NWD2: variants seen among roughly 807,000 people sequenced by gnomAD.
NWD2 encodes the protein NACHT and WD repeat domain containing 2, also known as NACHT and WD repeat domain-containing protein 2.
Under a neutral mutation model 132.7 loss-of-function variants are expected in NWD2, and 37 were observed. The ratio of observed to expected loss-of-function variants is 0.28; its 90% CI spans 0.21 to 0.37. The LOEUF is 0.37. Among genes scored for constraint, NWD2 ranks in the 10% least tolerant of loss-of-function variants. The probability of loss-of-function intolerance (pLI) is 1.00; values close to 1 mark genes in which losing one functional copy is unlikely to be tolerated. For missense variants in NWD2, 1,592 were observed against 2,122.4 expected, an observed-to-expected ratio of 0.75 and a Z score of 4.91; for synonymous variants, 705 against 803.0, an observed-to-expected ratio of 0.88 and a Z score of 2.06.
At chr4:37,353,202 T>C (rs1257738617) in intron 2 of NWD2, among the ~76,000 whole-genome samples, 2 of 152,214 alleles carry the variant, frequency 1.3e-5, no homozygotes, top group African/African-American at 2.4e-5. Context: ...TGGCTTGTAG[T>C]GTTTCTACAG....
intron 3 of NWD2, among the ~76,000 whole-genome samples, chr4:37,389,564 C>A (rs1720639557): frequency 6.6e-6 from 1 of 152,074 alleles, no homozygotes; most frequent in East Asian, 1.9e-4. Context: ...TCATGTTAGT[C>A]GTTCTGGCGC....
intron 3 of NWD2, among the ~76,000 whole-genome samples, chr4:37,402,341 C>A (rs984929317): frequency 6.6e-6 from 1 of 152,222 alleles, no homozygotes; most frequent in African/African-American, 2.4e-5. Context: ...GCACTGCCTT[C>A]CATTGTAGTT....
In NWD2 at chr4:37,443,621, A is replaced by G. The variant is rs1712545275; in HGVS notation, c.1633A>G (p.Thr545Ala). 2.6e-6 allele frequency: 4 copies of G among 1,551,910 alleles called. No individual in the cohort carries two copies. Among genetic ancestry groups the G allele is most frequent in the Non-Finnish European group, 3.5e-6 (4 of 1,147,034 alleles). The change falls in exon 7 of 7, where the codon ACG (threonine) becomes GCG (alanine). Residue 545 changes from threonine (T) to alanine (A), a missense_variant. By Grantham distance (58) the Thr-to-Ala change is moderately conservative (BLOSUM62 0). This residue lies in a region of NWD2 where 1,071 missense variants were observed against 1,398.0 expected (regional missense o/e 0.77). Coordinates refer to ENST00000309447, the MANE Select transcript of NWD2 (RefSeq NM_001144990.2). This position sits in a 1 kb window ranked among gnomAD's most constrained non-coding sequence, Gnocchi z 4.1. ...CCGCTTTGTCCGGATAGTCCTTTCC[A>G]CGCTGCCCAACAAACATGGGATCTT... ...LPRFVRIVLS[T>A]LPNKHGILQK...
At chr4:37,271,895 C>G (rs1717879073) in intron 1 of NWD2, among the ~76,000 whole-genome samples, 1 of 151,622 alleles carries the variant, frequency 6.6e-6, no homozygotes, top group Non-Finnish European at 1.5e-5. Context: ...AGCAAATTAC[C>G]CAGTTCAGTA....
intron 2 of NWD2, among the ~76,000 whole-genome samples, chr4:37,338,095 G>A (rs1719446186): frequency 6.6e-6 from 1 of 152,150 alleles, no homozygotes; most frequent in Non-Finnish European, 1.5e-5. Flanking sequence ...CCCTACCTGT[G>A]GTGTTTATGT....
intron 1 of NWD2, among the ~76,000 whole-genome samples, chr4:37,259,270 G>A (rs1427465730): frequency 1.3e-5 from 2 of 152,168 alleles, no homozygotes; most frequent in Admixed American, 6.5e-5. Flanking sequence ...ATTCAATTCT[G>A]CTGAAGTAAA....
Position 37,366,967 on chromosome 4 carries a change from T to A in NWD2, c.357+10485T>A, listed in dbSNP as rs544408592. The stretch of plus-strand genomic sequence containing the variant: ...GTATGTAGATTTGAATAACATGATT[T>A]ATAACATGACCTAATTAACATTTAT... On this transcript the variant is annotated intron_variant, in intron 3 of 6. Transcript: ENST00000309447. 7.2e-5 allele frequency among the ~76,000 whole-genome samples: 11 copies of A among 152,294 alleles called. No homozygotes were observed. The South Asian group carries it at 2.1e-3, about 29-fold the overall frequency.
At position 37,439,058 on chromosome 4, in the gene NWD2, A is replaced by G; in HGVS notation, c.964A>G (p.Thr322Ala). 6.4e-7 allele frequency: 1 copy of G among 1,551,788 alleles called. No homozygotes were observed. The highest frequency in any genetic ancestry group is 8.7e-7 in the Non-Finnish European group (1 of 1,146,972). ...TAATCTGAGAGTGTACACATCTGTT[A>G]CTCATTGTGACATGAAACTAGGCTA... ...SSNLRVYTSV[T>A]HCDMKLGYSQ... The change falls in exon 6 of 7, where the codon ACT (threonine) becomes GCT (alanine). Residue 322 changes from threonine (T) to alanine (A), a missense_variant. Around this residue, in one of 7 missense-constraint regions of NWD2, gnomAD observed 1,071 missense variants for 1,398.0 expected, o/e 0.77. Coordinates refer to ENST00000309447, the MANE Select transcript of NWD2 (RefSeq NM_001144990.2). The surrounding 1 kb of genome is among the most constrained non-coding windows in gnomAD (Gnocchi z 4.5).
chr4:37,390,018 G>C (rs960639851), intron 3 of NWD2, among the ~76,000 whole-genome samples: 14 of 152,162 alleles, frequency 9.2e-5, no homozygotes, highest in African/African-American at 3.4e-4. Flanking sequence ...TCAAACTCTT[G>C]ACCTCAGGTG....
intron 3 of NWD2, among the ~76,000 whole-genome samples, chr4:37,361,659 G>A (rs1024713421): frequency 3.3e-5 from 5 of 152,030 alleles, no homozygotes; most frequent in African/African-American, 9.7e-5. Context: ...ACAAGGCATC[G>A]AAGGAATATA....
At chr4:37,395,064 C>A (rs1720760565) in intron 3 of NWD2, among the ~76,000 whole-genome samples, 1 of 151,810 alleles carries the variant, frequency 6.6e-6, no homozygotes, top group Admixed American at 6.6e-5. Context: ...CCACCCGCCC[C>A]CCAATCCTGG....
Position 37,430,691 on chromosome 4 carries a change from G to T in NWD2, c.477G>T (p.Glu159Asp). 2 of 1,551,620 alleles carry T rather than the reference G, an allele frequency of 1.3e-6. No individual in the cohort carries two copies. Among genetic ancestry groups the T allele is most frequent in the Non-Finnish European group, 1.7e-6 (2 of 1,146,862 alleles). ...EAKLETKLLE[E>D]WYCRDENSVP... is the part of the protein sequence containing the mutation. ...AGCTGGAGACCAAGTTGCTGGAGGA[G>T]TGGTACTGTCGAGATGAGAACTCGG... The change falls in exon 4 of 7, where the codon GAG (glutamate) becomes GAT (aspartate). Residue 159 changes from glutamate to aspartate, a missense_variant. Physicochemically the swap from Glu to Asp is conservative, Grantham distance 45. This residue lies in a region of NWD2 where 144 missense variants were observed against 185.7 expected (regional missense o/e 0.78). Coordinates refer to ENST00000309447, the MANE Select transcript of NWD2 (RefSeq NM_001144990.2).
At chr4:37,385,187 G>A (rs1202013751) in intron 3 of NWD2, among the ~76,000 whole-genome samples, 2 of 152,092 alleles carry the variant, frequency 1.3e-5, no homozygotes, top group African/African-American at 2.4e-5. Context: ...CTTGACTGCA[G>A]GAAAAGCCTC....
chr4:37,276,920 T>C (rs1368519959), intron 1 of NWD2, among the ~76,000 whole-genome samples: 1 of 150,942 alleles, frequency 6.6e-6, no homozygotes, highest in Non-Finnish European at 1.5e-5. Context: ...CACTCATAGG[T>C]GGGAATTGAA....
At chr4:37,374,718 G>T (rs575472036) in intron 3 of NWD2, among the ~76,000 whole-genome samples, 1 of 152,210 alleles carries the variant, frequency 6.6e-6, no homozygotes, top group African/African-American at 2.4e-5. Context: ...ATATATACAA[G>T]CAAATTAGGA....
chr4:37,445,849 T>C lies in NWD2; in HGVS notation c.3861T>C (p.Asn1287=). 6.4e-7 allele frequency: 1 copy of C among 1,552,014 alleles called. No individual in the cohort carries two copies. The highest frequency in any genetic ancestry group is 1.2e-5 in the South Asian group (1 of 84,052). The change falls in exon 7 of 7, where the codon AAT becomes AAC. Residue 1287 remains asparagine, a synonymous_variant. Transcript: ENST00000309447. This position sits in a 1 kb window ranked among gnomAD's most constrained non-coding sequence, Gnocchi z 4.7. Reference sequence around the variant, plus strand: ...AGTTAGTGAAATCCAGTCACCACAATATGCTACTGTCTTTATCAACCAGTG... The same window carrying C: ...AGTTAGTGAAATCCAGTCACCACAACATGCTACTGTCTTTATCAACCAGTG... The part of the protein sequence containing the change: ...IVKLVKSSHH[N]MLLSLSTSGV...
intron 1 of NWD2, among the ~76,000 whole-genome samples, chr4:37,323,569 G>A (rs576425423): frequency 8.5e-5 from 13 of 152,146 alleles, no homozygotes; most frequent in Non-Finnish European, 1.5e-4. Flanking sequence ...CAGAGAGTAG[G>A]GAATGCTTAT....
In NWD2 at chr4:37,439,363, C is replaced by T; in HGVS notation, c.1269C>T (p.Thr423=). 1 of 1,481,736 alleles carries T rather than the reference C, an allele frequency of 6.7e-7. No individual in the cohort carries two copies. The highest frequency in any genetic ancestry group is 2.5e-5 in the East Asian group (1 of 40,202). The allele number at this position is 1,481,736 out of a possible 1,614,324, so 91.8% of individuals were successfully genotyped here. A position where few individuals can be genotyped will look rare whatever the true frequency, so the allele number is the denominator to read the frequency against. ...ATGGTGGGCCATGCACTGGGAAGAC[C>T]CTTCTGCTAGCTGAAGTAGCAAAGA... is the stretch of plus-strand genomic sequence containing the variant. ...IIYGGPCTGK[T]LLLAEVAKKA... The change falls in exon 6 of 7, where the codon ACC becomes ACT. Residue 423 remains threonine, a synonymous_variant. Transcript: ENST00000309447. This position sits in a 1 kb window ranked among gnomAD's most constrained non-coding sequence, Gnocchi z 4.5.
At chr4:37,257,476 T>C (rs1717543681) in intron 1 of NWD2, among the ~76,000 whole-genome samples, 1 of 152,112 alleles carries the variant, frequency 6.6e-6, no homozygotes, top group Non-Finnish European at 1.5e-5. Context: ...ATAATACCTA[T>C]CTCACAAGGC....
Sources: allele counts gnomAD v4.1 joint callset (sites outside exome capture counted in the v4.1 genomes callset), GRCh38; gene constraint gnomAD v4.1.1; regional missense constraint gnomAD v4.1.1; non-coding constraint Gnocchi (gnomAD v3.1); transcripts MANE v1.5; gene names NCBI Gene and HGNC (gene_info 2026-07-23, HGNC 2026-07-21).